The following ADGRB2 variants were observed in gnomAD, a reference collection of about 807,000 sequenced individuals.
The protein encoded by ADGRB2 is adhesion G protein-coupled receptor B2.
In ADGRB2, 47 loss-of-function variants were observed where a neutral mutation model predicts 178.7. The ratio of observed to expected loss-of-function variants is 0.26; its 90% CI spans 0.21 to 0.34. The LOEUF is 0.34. Ranked by LOEUF, ADGRB2 falls within the 10% of genes least tolerant of loss-of-function variation. The pLI is 1.00. For synonymous variants in ADGRB2, 870 were observed against 912.4 expected (o/e 0.95, Z 0.84); for missense variants, 1,584 against 2,180.8 (o/e 0.73, Z 5.45).
At chr1:31,732,822 CG>C in intron 26 of ADGRB2, 149 bp downstream of exon 26, 1 of 1,203,918 alleles carries the variant, frequency 8.3e-7, no homozygotes, top group African/African-American at 1.5e-5. Context: ...GCGGGTACCC[CG>C]GGCTATCAGC....
intron 26 of ADGRB2, 128 bp from the exon 27 acceptor site, chr1:31,732,740 G>T: frequency 8.3e-7 from 1 of 1,208,994 alleles, no homozygotes; most frequent in Non-Finnish European, 1.2e-6. Flanking sequence ...CTTGGGGAAG[G>T]TGATGACACC....
chr1:31,732,917 C>G, intron 26 of ADGRB2, 55 bp downstream of exon 26: 2 of 1,524,960 alleles, frequency 1.3e-6, no homozygotes, highest in Non-Finnish European at 1.8e-6. Flanking sequence ...TGAGGAGAAG[C>G]CAAGGGCCTG....
In ADGRB2 at chr1:31,754,833, A is replaced by G. The variant is rs1484243085; in HGVS notation, c.838+1166T>C. Among the ~76,000 whole-genome samples, 3 of 152,240 alleles carry G rather than the reference A, an allele frequency of 2.0e-5. No homozygotes were observed. Among genetic ancestry groups the G allele is most frequent in the Admixed American group, 2.0e-4 (3 of 15,290 alleles). ...AAAAATAAAGGGATCAACTCAAGGT[A>G]ACAGTCAAAGGTAGAGGCCAACTCC... On this transcript the variant is annotated intron_variant, in intron 4 of 32. Transcript: ENST00000373658. The surrounding 1 kb of genome is among the most constrained non-coding windows in gnomAD (Gnocchi z 5.7).
chr1:31,739,203 G>A, intron 15 of ADGRB2, 105 bp downstream of exon 15: 1 of 1,233,888 alleles, frequency 8.1e-7, no homozygotes, highest in Non-Finnish European at 1.1e-6. Context: ...AGGTGGAGGA[G>A]GCTGCCATGG....
intron 28 of ADGRB2, among the ~76,000 whole-genome samples, chr1:31,731,821 G>A (rs559616430): frequency 1.3e-5 from 2 of 152,300 alleles, no homozygotes; most frequent in East Asian, 1.9e-4. Context: ...CATGGGTCCT[G>A]CTAAGAACTC....
Position 31,764,070 on chromosome 1 carries a change from CG to C in ADGRB2, c.-378del. On this transcript the variant is annotated 5_prime_UTR_variant, in exon 1 of 33. Transcript: ENST00000373658. The surrounding 1 kb of genome is among the most constrained non-coding windows in gnomAD (Gnocchi z 7.3). ...AAAGGCGCCGCGGAGCAGCGCGGGG[CG>C]GGCGGGCGGGCGGCGCCGGGCCGGG... 2.4e-5 allele frequency: 2 copies of C among 82,768 alleles called. No individual in the cohort carries two copies. The highest frequency in any genetic ancestry group is 4.9e-5 in the Non-Finnish European group (2 of 40,794). The allele number at this position is 82,768 out of a possible 1,614,324, so 5.1% of individuals were successfully genotyped here.
Position 31,728,747 on chromosome 1 carries a change from C to G in ADGRB2, c.4381-114G>C, listed in dbSNP as rs543584085. On this transcript the variant is annotated intron_variant, in intron 29 of 32. Coordinates refer to ENST00000373658, the MANE Select transcript of ADGRB2 (RefSeq NM_001364857.2). The surrounding 1 kb of genome is among the most constrained non-coding windows in gnomAD (Gnocchi z 6.7). ...GGGGTCTGCCCGCTGCACCTTCCCC[C>G]CAACCCAGGCCCAGAAGTTGCGGAC... 1.5e-5 allele frequency: 20 copies of G among 1,296,718 alleles called. No individual in the cohort carries two copies. The African/African-American group carries it at 2.8e-4, about 18-fold the overall frequency. The allele number at this position is 1,296,718 out of a possible 1,614,324, so 80.3% of individuals were successfully genotyped here.
chr1:31,733,187 G>A lies in ADGRB2; in HGVS notation c.3453-44C>T, dbSNP rs1187117114. On this transcript the variant is annotated intron_variant, in intron 25 of 32. Transcript: ENST00000373658. This position sits in a 1 kb window ranked among gnomAD's most constrained non-coding sequence, Gnocchi z 4.3. ...AGCCCATCAGAGTGACACTCCGGGGGACAGGATGGCTTGAGCCTAGGCCTC... is the reference window on the plus strand; with the variant it reads ...AGCCCATCAGAGTGACACTCCGGGGAACAGGATGGCTTGAGCCTAGGCCTC... The A allele has an allele frequency of 3.2e-6, 5 of 1,543,624 alleles. No individual in the cohort carries two copies. Among genetic ancestry groups the A allele is most frequent in the African/African-American group, 1.4e-5 (1 of 72,950 alleles).
chr1:31,744,165 G>C lies in ADGRB2; in HGVS notation c.1087+28C>G, dbSNP rs1020284397. ...CAGGCAGGACCTAACCCTGCAGGCAGGTGGGGTGGGGAGGAGGATGGGCCT... is the reference window on the plus strand; with the variant it reads ...CAGGCAGGACCTAACCCTGCAGGCACGTGGGGTGGGGAGGAGGATGGGCCT... On this transcript the variant is annotated intron_variant, in intron 6 of 32. Coordinates refer to ENST00000373658, the MANE Select transcript of ADGRB2 (RefSeq NM_001364857.2). This position sits in a 1 kb window ranked among gnomAD's most constrained non-coding sequence, Gnocchi z 6.7. The C allele has an allele frequency of 9.3e-6, 14 of 1,503,136 alleles. No individual in the cohort carries two copies. Among genetic ancestry groups the C allele is most frequent in the Admixed American group, 7.2e-5 (3 of 41,466 alleles). 93.1% of individuals were successfully genotyped at this position (1,503,136 alleles called of 1,614,324 possible).
Position 31,758,268 on chromosome 1 carries a change from C to T in ADGRB2, c.-190-757G>A, listed in dbSNP as rs1018004313. ...GGGAGACAACCCGCTCCAGATCACACAAAGGTGGCCACAGAGGACGCAAGC... is the reference window on the plus strand; with the variant it reads ...GGGAGACAACCCGCTCCAGATCACATAAAGGTGGCCACAGAGGACGCAAGC... On this transcript the variant is annotated intron_variant, in intron 1 of 32. Transcript: ENST00000373658. This position sits in a 1 kb window ranked among gnomAD's most constrained non-coding sequence, Gnocchi z 4.2. Among the ~76,000 whole-genome samples, 4 of 152,208 alleles carry T rather than the reference C, an allele frequency of 2.6e-5. No individual in the cohort carries two copies. The highest frequency in any genetic ancestry group is 7.2e-5 in the African/African-American group (3 of 41,446).
In ADGRB2 at chr1:31,744,539, G is replaced by A. The variant is rs1646173172; in HGVS notation, c.922+109C>T. On this transcript the variant is annotated intron_variant, in intron 5 of 32. Coordinates refer to ENST00000373658, the MANE Select transcript of ADGRB2 (RefSeq NM_001364857.2). The surrounding 1 kb of genome is among the most constrained non-coding windows in gnomAD (Gnocchi z 6.7). ...CCCACAAGCTTCATGTGGCACAGACGCGACTGAACTGCAGGACAGAGACAG... is the reference window on the plus strand; with the variant it reads ...CCCACAAGCTTCATGTGGCACAGACACGACTGAACTGCAGGACAGAGACAG... 11 of 1,457,798 alleles carry A rather than the reference G, an allele frequency of 7.5e-6. No individual in the cohort carries two copies. The highest frequency in any genetic ancestry group is 4.2e-5 in the African/African-American group (3 of 70,918). 90.3% of individuals were successfully genotyped at this position (1,457,798 alleles called of 1,614,324 possible). A position where few individuals can be genotyped will look rare whatever the true frequency, so the allele number is the denominator to read the frequency against.
intron 4 of ADGRB2, among the ~76,000 whole-genome samples, chr1:31,751,717 T>C (rs1369065694): frequency 6.6e-6 from 1 of 152,218 alleles, no homozygotes; most frequent in Non-Finnish European, 1.5e-5. Flanking sequence ...ATGATACAAT[T>C]GAAAGAGAAA....
intron 25 of ADGRB2, among the ~76,000 whole-genome samples, chr1:31,734,723 T>C (rs1025424294): frequency 6.6e-6 from 1 of 152,244 alleles, no homozygotes; most frequent in Non-Finnish European, 1.5e-5. Flanking sequence ...TGAGATTCAA[T>C]GCCTCTGAAA....
rs566631313 is a variant in ADGRB2 at position 31,754,779 on chromosome 1, C to T, written c.838+1220G>A. 3.3e-5 allele frequency among the ~76,000 whole-genome samples: 5 copies of T among 152,336 alleles called. No individual in the cohort carries two copies. The highest frequency in any genetic ancestry group is 3.9e-4 in the East Asian group (2 of 5,182). On this transcript the variant is annotated intron_variant, in intron 4 of 32. Coordinates refer to ENST00000373658, the MANE Select transcript of ADGRB2 (RefSeq NM_001364857.2). This position sits in a 1 kb window ranked among gnomAD's most constrained non-coding sequence, Gnocchi z 5.7. The stretch of plus-strand genomic sequence containing the variant: ...CCTCTAATTAATTCAGGGATACCTC[C>T]CCATTCTACAAAGAAACCACTGCCC...
At chr1:31,742,667 CT>C (rs1441467423) in intron 7 of ADGRB2, among the ~76,000 whole-genome samples, 170 bp downstream of exon 7, 1 of 152,134 alleles carries the variant, frequency 6.6e-6, no homozygotes, top group Non-Finnish European at 1.5e-5. Flanking sequence ...CAAGTCAGGG[CT>C]AGGGGGTCAC....
In ADGRB2 at chr1:31,739,232, C is replaced by A. The variant is rs1423120216; in HGVS notation, c.2495+76G>T. ...GCCATGGATCTCTCTGCAGCCAGCA[C>A]TGGCTCAGTCCTCCTTCCCTTACCT... On this transcript the variant is annotated intron_variant, in intron 15 of 32. Coordinates refer to ENST00000373658, the MANE Select transcript of ADGRB2 (RefSeq NM_001364857.2). 3.6e-6 allele frequency: 5 copies of A among 1,382,456 alleles called. No homozygotes were observed. In the African/African-American group the frequency reaches 7.3e-5, roughly 20 times the overall value. The allele number at this position is 1,382,456 out of a possible 1,614,324, so 85.6% of individuals were successfully genotyped here.
Position 31,756,810 on chromosome 1 carries a change from C to T in ADGRB2, c.27G>A (p.Lys9=), listed in dbSNP as rs1646858066. 1 of 1,468,660 alleles carries T rather than the reference C, an allele frequency of 6.8e-7. No homozygotes were observed. The highest frequency in any genetic ancestry group is 9.0e-7 in the Non-Finnish European group (1 of 1,106,786). 91.0% of individuals were successfully genotyped at this position (1,468,660 alleles called of 1,614,324 possible). A position where few individuals can be genotyped will look rare whatever the true frequency, so the allele number is the denominator to read the frequency against. ...GACAGGCTGGGGTCATCCTATGTCC[C>T]TTGCCCTGTGGAGAGAGACAGTGGT... The part of the protein sequence containing the change: MENTGWMG[K]GHRMTPACPL... The change falls in exon 4 of 33, where the codon AAG becomes AAA. Residue 9 remains lysine, a synonymous_variant. Coordinates refer to ENST00000373658, the MANE Select transcript of ADGRB2 (RefSeq NM_001364857.2). This position sits in a 1 kb window ranked among gnomAD's most constrained non-coding sequence, Gnocchi z 8.5.
rs566266893 is a variant in ADGRB2 at position 31,727,608 on chromosome 1, G to A, written c.4573-3C>T. The A allele has an allele frequency of 1.3e-6, 2 of 1,518,920 alleles. No homozygotes were observed. The highest frequency in any genetic ancestry group is 2.4e-5 in the Admixed American group (1 of 41,926). The allele number at this position is 1,518,920 out of a possible 1,614,324, so 94.1% of individuals were successfully genotyped here. On this transcript the variant is annotated splice_region_variant and splice_polypyrimidine_tract_variant and intron_variant, in intron 32 of 32. Transcript: ENST00000373658. The surrounding 1 kb of genome is among the most constrained non-coding windows in gnomAD (Gnocchi z 4.4). ...CGCTCCCCAGGGCTGGGCTTATCCTGTGGAGGGAGCGGGAGGGGCCGTGGA... is the reference window on the plus strand; with the variant it reads ...CGCTCCCCAGGGCTGGGCTTATCCTATGGAGGGAGCGGGAGGGGCCGTGGA...
At chr1:31,751,014 T>C (rs1045304100) in intron 4 of ADGRB2, among the ~76,000 whole-genome samples, 2 of 151,990 alleles carry the variant, frequency 1.3e-5, no homozygotes, top group Admixed American at 6.5e-5. Flanking sequence ...TGACTCAGCC[T>C]GCTTCCCCCA....
Sources: allele counts gnomAD v4.1 joint callset (sites outside exome capture counted in the v4.1 genomes callset), GRCh38; gene constraint gnomAD v4.1.1; non-coding constraint Gnocchi (gnomAD v3.1); transcripts MANE v1.5; gene names NCBI Gene and HGNC (gene_info 2026-07-23, HGNC 2026-07-21).